LINS1: variants seen among roughly 807,000 people sequenced by gnomAD.
LINS1 encodes lines homolog 1, also known as protein Lines homolog 1.
In LINS1, 27 loss-of-function variants were observed where a neutral mutation model predicts 41.6. The observed-to-expected ratio is 0.65, with a 90% CI of 0.48 to 0.89. The LOEUF (loss-of-function observed/expected upper bound fraction) is 0.89, where lower values mean the gene tolerates loss of function less well. Among genes scored for constraint, LINS1 ranks in the 40% least tolerant of loss-of-function variants. The probability of loss-of-function intolerance (pLI) is 0.00; values close to 1 mark genes in which losing one functional copy is unlikely to be tolerated. For missense variants in LINS1, 955 were observed against 884.1 expected (o/e 1.08, Z -1.02); for synonymous variants, 336 against 312.9 (o/e 1.07, Z -0.78).
At chr15:100,594,185 AT>A (rs1295781571) in intron 1 of LINS1, among the ~76,000 whole-genome samples, 56 of 152,182 alleles carry the variant, frequency 3.7e-4, no homozygotes, top group African/African-American at 1.3e-3. Flanking sequence ...GTTACACTGT[AT>A]TGTTTTGATT....
At chr15:100,592,983 C>CAA (rs2039103806) in intron 1 of LINS1, among the ~76,000 whole-genome samples, 1 of 152,182 alleles carries the variant, frequency 6.6e-6, no homozygotes, top group East Asian at 1.9e-4. Context: ...AAGGAAAGGA[C>CAA]AAATCCTTAA....
chr15:100,599,998 G>A (rs571539326), intron 1 of LINS1, among the ~76,000 whole-genome samples: 5 of 152,238 alleles, frequency 3.3e-5, no homozygotes, highest in East Asian at 1.9e-4. Context: ...CCTGGGAGGC[G>A]GAGGTTGCAG....
intron 1 of LINS1, among the ~76,000 whole-genome samples, chr15:100,590,353 C>T (rs1236559484): frequency 6.6e-6 from 1 of 152,144 alleles, no homozygotes; most frequent in African/African-American, 2.4e-5. Flanking sequence ...AGATGAAGGT[C>T]CAATGCAGGT....
Position 100,574,976 on chromosome 15 carries a change from G to A in LINS1, c.631+11C>T. The stretch of plus-strand genomic sequence containing the variant: ...AGATGATGATTGTTTATGGGGCCAT[G>A]TAATCCATACCTGTTTTCTGTGAAC... On this transcript the variant is annotated intron_variant, in intron 4 of 6. Transcript: ENST00000314742. The A allele has an allele frequency of 6.2e-7, 1 of 1,611,340 alleles. No individual in the cohort carries two copies. Among genetic ancestry groups the A allele is most frequent in the Non-Finnish European group, 8.5e-7 (1 of 1,178,820 alleles).
chr15:100,589,051 T>G (rs1402066856), intron 1 of LINS1, among the ~76,000 whole-genome samples: 1 of 152,232 alleles, frequency 6.6e-6, no homozygotes, highest in South Asian at 2.1e-4. Context: ...TTCTGGGTTC[T>G]AGGCTTCTCC....
At chr15:100,592,877 C>T (rs1183682025) in intron 1 of LINS1, among the ~76,000 whole-genome samples, 1 of 152,202 alleles carries the variant, frequency 6.6e-6, no homozygotes, top group Admixed American at 6.5e-5. Context: ...ATAAACTCCT[C>T]TTAATTACAC....
At chr15:100,579,503 A>T (rs11634242) in intron 3 of LINS1, among the ~76,000 whole-genome samples, 54,883 of 151,524 alleles carry the variant, frequency 0.36, 10,998 homozygotes, top group Non-Finnish European at 0.47. Context: ...GAAAGATGAA[A>T]ATGTTAGCAG....
Position 100,569,507 on chromosome 15 carries a change from C to T in LINS1, c.2005G>A (p.Asp669Asn), listed in dbSNP as rs147768232. ...GGCTCAAGGCTAAATTCTTTTTTAT[C>T]CCTGCTTGTCCCAGCTGCATCCTGA... is the stretch of plus-strand genomic sequence containing the variant. The part of the protein sequence containing the change: ...EIQDAAGTSR[D>N]KKEFSLEPPS... Residue 669 changes from aspartate (D) to asparagine (N), a missense_variant, in exon 7 of 7, where the codon GAT (aspartate) becomes AAT (asparagine). Coordinates refer to ENST00000314742, the MANE Select transcript of LINS1 (RefSeq NM_001040616.3). 3.1e-6 allele frequency: 5 copies of T among 1,614,194 alleles called. No homozygotes were observed. Among genetic ancestry groups the T allele is most frequent in the Non-Finnish European group, 2.5e-6 (3 of 1,180,044 alleles).
chr15:100,567,427 C>G lies in LINS1; in HGVS notation c.*1811G>C, dbSNP rs1217473758. Reference sequence around the variant, plus strand: ...TCTCCCAAGGCAACCACTATTATGACTTTCTTATGTAGTCTTACATACATA... The same window carrying G: ...TCTCCCAAGGCAACCACTATTATGAGTTTCTTATGTAGTCTTACATACATA... On this transcript the variant is annotated 3_prime_UTR_variant, in exon 7 of 7. Coordinates refer to ENST00000314742, the MANE Select transcript of LINS1 (RefSeq NM_001040616.3). 6.6e-6 allele frequency: 1 copy of G among 152,172 alleles called. No homozygotes were observed. The allele number at this position is 152,172 out of a possible 1,614,324, so 9.4% of individuals were successfully genotyped here. A position where few individuals can be genotyped will look rare whatever the true frequency, so the allele number is the denominator to read the frequency against.
rs935439172 is a variant in LINS1 at position 100,569,183 on chromosome 15, G to A, written c.*55C>T. 2 of 1,119,424 alleles carry A rather than the reference G, an allele frequency of 1.8e-6. No homozygotes were observed. The highest frequency in any genetic ancestry group is 1.3e-5 in the South Asian group (1 of 77,044). 69.3% of individuals were successfully genotyped at this position (1,119,424 alleles called of 1,614,324 possible). ...GATGATTTTATACTATTACCTCATT[G>A]AGACATAATTTATATTAAGGAAAAA... On this transcript the variant is annotated 3_prime_UTR_variant, in exon 7 of 7. Coordinates refer to ENST00000314742, the MANE Select transcript of LINS1 (RefSeq NM_001040616.3).
In LINS1 at chr15:100,569,727, A is replaced by G; in HGVS notation, c.1785T>C (p.Asp595=). The G allele has an allele frequency of 6.2e-7, 1 of 1,613,940 alleles. No homozygotes were observed. The change falls in exon 7 of 7, where the codon GAT becomes GAC. Residue 595 remains aspartate, a synonymous_variant. Coordinates refer to ENST00000314742, the MANE Select transcript of LINS1 (RefSeq NM_001040616.3). ...CAGCTTTCAGTGGTTCAGAGGGAGC[A>G]TCGGAAGCCCAGGAGTGCCGAGCAC... The part of the protein sequence containing the change: ...DVCARHSWAS[D]APSEPLKAVM...
At chr15:100,601,304 G>A (rs890775848) in intron 1 of LINS1, among the ~76,000 whole-genome samples, 1 of 152,172 alleles carries the variant, frequency 6.6e-6, no homozygotes, top group African/African-American at 2.4e-5. Context: ...GACGGACCAC[G>A]AGACAGCACC....
rs747631229 is a variant in LINS1 at position 100,586,957 on chromosome 15, G to A, written c.-103-6012C>T. 9.2e-5 allele frequency among the ~76,000 whole-genome samples: 14 copies of A among 151,810 alleles called. 1 individual carries two copies. Among genetic ancestry groups the A allele is most frequent in the South Asian group, 8.3e-4 (4 of 4,822 alleles). ...GGGCAGATCACGAGGTCAGGAGATCGAGACCATCCTGGCCAAAATGGTAAA... is the reference window on the plus strand; with the variant it reads ...GGGCAGATCACGAGGTCAGGAGATCAAGACCATCCTGGCCAAAATGGTAAA... On this transcript the variant is annotated intron_variant, in intron 1 of 6. Coordinates refer to ENST00000314742, the MANE Select transcript of LINS1 (RefSeq NM_001040616.3).
At chr15:100,591,502 C>T (rs1264213762) in intron 1 of LINS1, among the ~76,000 whole-genome samples, 2 of 152,208 alleles carry the variant, frequency 1.3e-5, no homozygotes, top group Non-Finnish European at 2.9e-5. Context: ...TTGGACTGAA[C>T]TCATGCACTA....
intron 1 of LINS1, among the ~76,000 whole-genome samples, chr15:100,598,936 A>C (rs183990919): frequency 6.6e-6 from 1 of 152,172 alleles, no homozygotes; most frequent in Admixed American, 6.5e-5. Context: ...GTGGTCCTTG[A>C]CCTTGGAATC....
intron 1 of LINS1, among the ~76,000 whole-genome samples, chr15:100,595,729 T>TA: frequency 6.6e-6 from 1 of 152,352 alleles, no homozygotes; most frequent in East Asian, 1.9e-4. Flanking sequence ...CATAGACTAA[T>TA]AGACTGGGAA....
Position 100,574,148 on chromosome 15 carries a change from G to C in LINS1, c.725C>G (p.Thr242Ser), listed in dbSNP as rs149958643. The change falls in exon 5 of 7, where the codon ACT becomes AGT. Residue 242 changes from threonine (T) to serine (S), a missense_variant. Transcript: ENST00000314742. ...CATCAGGATGTTTACTATTTTAGAA[G>C]TATCCCGGCAGTTTTCAAAATGCTG... ...FSQHFENCRDTSKIVNILMCF... is the reference protein window; with the variant it reads ...FSQHFENCRDSSKIVNILMCF... 2.5e-5 allele frequency: 40 copies of C among 1,613,886 alleles called. No homozygotes were observed. The African/African-American group carries it at 4.5e-4, about 18-fold the overall frequency.
Position 100,567,616 on chromosome 15 carries a change from T to C in LINS1, c.*1622A>G, listed in dbSNP as rs896748496. The C allele has an allele frequency of 5.3e-5, 8 of 152,194 alleles. No individual in the cohort carries two copies. The highest frequency in any genetic ancestry group is 1.0e-4 in the Non-Finnish European group (7 of 68,024). The allele number at this position is 152,194 out of a possible 1,614,324, so 9.4% of individuals were successfully genotyped here. A position where few individuals can be genotyped will look rare whatever the true frequency, so the allele number is the denominator to read the frequency against. ...TCTACCATTCCACTGACTATACAAA[T>C]TCTGACTTACTTTACCAGGTATTTC... On this transcript the variant is annotated 3_prime_UTR_variant, in exon 7 of 7. Coordinates refer to ENST00000314742, the MANE Select transcript of LINS1 (RefSeq NM_001040616.3).
In LINS1 at chr15:100,569,294, A is replaced by G. The variant is rs1348619010; in HGVS notation, c.2218T>C (p.Leu740=). Residue 740 remains leucine (L), a synonymous_variant, in exon 7 of 7, where the codon TTG becomes CTG. Transcript: ENST00000314742. ...NLFPYNPTAL[L]KLLKYIEVIS... Reference sequence around the variant, plus strand: ...ACCTCTATGTATTTTAACAACTTCAAAAGTGCAGTTGGATTATATGGGAAA... The same window carrying G: ...ACCTCTATGTATTTTAACAACTTCAGAAGTGCAGTTGGATTATATGGGAAA... 4 of 1,610,666 alleles carry G rather than the reference A, an allele frequency of 2.5e-6. No individual in the cohort carries two copies. Among genetic ancestry groups the G allele is most frequent in the Admixed American group, 1.7e-5 (1 of 59,988 alleles).
Sources: allele counts gnomAD v4.1 joint callset (sites outside exome capture counted in the v4.1 genomes callset), GRCh38; gene constraint gnomAD v4.1.1; transcripts MANE v1.5; gene names NCBI Gene and HGNC (gene_info 2026-07-23, HGNC 2026-07-21).